Variants in DIP2C observed in about 807,000 individuals in gnomAD.
DIP2C encodes disco-interacting protein 2 homolog C.
Under a neutral mutation model 192.4 loss-of-function variants are expected in DIP2C, and 33 were observed. That is an observed-to-expected ratio of 0.17 (90% CI 0.13 to 0.23). The LOEUF (loss-of-function observed/expected upper bound fraction) is 0.23. Among genes scored for constraint, DIP2C ranks in the 10% least tolerant of loss-of-function variants. The pLI, the probability that DIP2C is intolerant of heterozygous loss-of-function variation, is 1.00. For missense variants in DIP2C, 1,537 were observed against 2,110.1 expected (o/e 0.73, Z 5.32); for synonymous variants, 979 against 864.1 (o/e 1.13, Z -2.33).
intron 8 of DIP2C, among the ~76,000 whole-genome samples, chr10:412,689 G>C (rs1276185684): frequency 6.6e-6 from 1 of 152,136 alleles, no homozygotes; most frequent in African/African-American, 2.4e-5. Context: ...ACCCTGAAAG[G>C]CTAGGGTCTG....
intron 8 of DIP2C, among the ~76,000 whole-genome samples, chr10:410,697 C>T (rs1287634297): frequency 2.0e-5 from 3 of 152,198 alleles, no homozygotes; most frequent in African/African-American, 7.2e-5. Flanking sequence ...TAGCACCATT[C>T]TAGTTTGTGA....
intron 1 of DIP2C, among the ~76,000 whole-genome samples, chr10:660,158 C>CA (rs1564317178): frequency 6.6e-6 from 1 of 151,060 alleles, no homozygotes. Context: ...GTGTATGAAA[C>CA]AGAGATTCTA....
At chr10:533,013 C>G (rs1012651334) in intron 1 of DIP2C, among the ~76,000 whole-genome samples, 2 of 152,098 alleles carry the variant, frequency 1.3e-5, no homozygotes, top group African/African-American at 4.8e-5. Flanking sequence ...AGCCACTATG[C>G]CCAGCCTGGA....
intron 1 of DIP2C, among the ~76,000 whole-genome samples, chr10:576,633 G>A (rs555469785): frequency 1.3e-5 from 2 of 152,352 alleles, no homozygotes; most frequent in African/African-American, 4.8e-5. Context: ...ATCAGGCCAG[G>A]GATGGTGGCT....
At chr10:468,073 G>A (rs987581437) in intron 3 of DIP2C, among the ~76,000 whole-genome samples, 1 of 152,134 alleles carries the variant, frequency 6.6e-6, no homozygotes, top group African/African-American at 2.4e-5. Flanking sequence ...CCCTTTCCTT[G>A]TGAATGATTC....
chr10:387,613 T>C (rs1963074408), intron 14 of DIP2C, 132 bp downstream of exon 14: 1 of 701,988 alleles, frequency 1.4e-6, no homozygotes, highest in Admixed American at 2.0e-5. Flanking sequence ...GAGACTCCTG[T>C]GTGGACAGAC....
At chr10:587,410 C>T (rs1306934019) in intron 1 of DIP2C, among the ~76,000 whole-genome samples, 6 of 152,216 alleles carry the variant, frequency 3.9e-5, no homozygotes, top group South Asian at 2.1e-4. Flanking sequence ...CGTCAGCACA[C>T]GGATTGCTGG....
chr10:487,702 C>T (rs1844128343), intron 1 of DIP2C, among the ~76,000 whole-genome samples: 1 of 150,436 alleles, frequency 6.6e-6, no homozygotes, highest in Non-Finnish European at 1.5e-5. Context: ...CTCAGCCTCC[C>T]GAGTAGCTGA....
At chr10:401,781 T>C (rs1422794409) in intron 9 of DIP2C, among the ~76,000 whole-genome samples, 1 of 151,026 alleles carries the variant, frequency 6.6e-6, no homozygotes, top group African/African-American at 2.4e-5. Context: ...CTCTTCCTTA[T>C]GGACAAGTTT....
intron 1 of DIP2C, among the ~76,000 whole-genome samples, chr10:538,607 G>A (rs1433763256): frequency 6.6e-6 from 1 of 152,156 alleles, no homozygotes. Flanking sequence ...CTAAGTCAAT[G>A]TTGTCAGCCT....
At chr10:558,072 AG>A (rs532517735) in intron 1 of DIP2C, among the ~76,000 whole-genome samples, 56 of 152,292 alleles carry the variant, frequency 3.7e-4, no homozygotes, top group Non-Finnish European at 6.6e-4. Context: ...TCTTCAGATT[AG>A]GGTAGTGTCC....
chr10:437,672 C>G (rs1424564267), intron 4 of DIP2C: 3 of 147,232 alleles, frequency 2.0e-5, no homozygotes, highest in African/African-American at 7.3e-5. Flanking sequence ...TCCCTGTTAT[C>G]TCATCATGGC....
Position 645,811 on chromosome 10 carries a change from C to T in DIP2C, c.85+43683G>A, listed in dbSNP as rs566822970. The stretch of plus-strand genomic sequence containing the variant: ...CTATTTCCCTAGGTTTGACGTGTCA[C>T]TTCTGTAATGTAATAATAGAGCAAA... On this transcript the variant is annotated intron_variant, in intron 1 of 36. Transcript: ENST00000280886. Among the ~76,000 whole-genome samples the T allele has an allele frequency of 3.9e-5, 6 of 152,282 alleles. No homozygotes were observed. In the South Asian group the frequency reaches 1.2e-3, roughly 32 times the overall value.
At chr10:589,446 G>T (rs545012357) in intron 1 of DIP2C, among the ~76,000 whole-genome samples, 1 of 152,198 alleles carries the variant, frequency 6.6e-6, no homozygotes, top group East Asian at 1.9e-4. Flanking sequence ...TTCTTCTACA[G>T]GTTTTCTAGT....
chr10:646,202 C>T (rs975250816), intron 1 of DIP2C, among the ~76,000 whole-genome samples: 5 of 152,188 alleles, frequency 3.3e-5, no homozygotes, highest in Non-Finnish European at 5.9e-5. Flanking sequence ...GCAGAGCTGA[C>T]GACAGGCCCA....
chr10:299,979 T>C (rs1955942143), intron 32 of DIP2C, among the ~76,000 whole-genome samples: 1 of 152,040 alleles, frequency 6.6e-6, no homozygotes, highest in Non-Finnish European at 1.5e-5. Context: ...TCACACCCAT[T>C]AGGATAACTA....
chr10:432,952 T>C (rs1053260640), intron 4 of DIP2C, among the ~76,000 whole-genome samples: 2 of 152,254 alleles, frequency 1.3e-5, no homozygotes, highest in South Asian at 2.1e-4. Context: ...ATCTATTATT[T>C]ATTTCTACTT....
intron 1 of DIP2C, among the ~76,000 whole-genome samples, chr10:583,207 G>A (rs1370294042): frequency 1.3e-5 from 2 of 152,046 alleles, no homozygotes; most frequent in African/African-American, 4.8e-5. Context: ...AAGTGCATCT[G>A]CAAACGCAGT....
intron 32 of DIP2C, 86 bp from the exon 33 acceptor site, chr10:288,507 C>T: frequency 7.0e-7 from 1 of 1,432,442 alleles, no homozygotes; most frequent in Non-Finnish European, 9.8e-7. Flanking sequence ...ACGAGCCTGG[C>T]AGCTGTCCGG....
Sources: allele counts gnomAD v4.1 joint callset (sites outside exome capture counted in the v4.1 genomes callset), GRCh38; gene constraint gnomAD v4.1.1; transcripts MANE v1.5; gene names NCBI Gene and HGNC (gene_info 2026-07-23, HGNC 2026-07-21).